Variants in FAIM2 observed in about 807,000 individuals in gnomAD.
FAIM2 encodes the protein protein lifeguard 2.
In FAIM2, 27 loss-of-function variants were observed where a neutral mutation model predicts 47.4. The observed-to-expected ratio is 0.57, with a 90% confidence interval of 0.42 to 0.78. The LOEUF (loss-of-function observed/expected upper bound fraction) is 0.78. Ranked by LOEUF, FAIM2 falls within the 30% of genes least tolerant of loss-of-function variation. The pLI, the probability that FAIM2 is intolerant of heterozygous loss-of-function variation, is 0.00. For synonymous variants in FAIM2, 156 were observed against 159.3 expected, an observed-to-expected ratio of 0.98 and a Z score of 0.16; for missense variants, 311 against 389.4, an observed-to-expected ratio of 0.80 and a Z score of 1.69.
intron 4 of FAIM2, among the ~76,000 whole-genome samples, 183 bp downstream of exon 4, chr12:49,897,336 A>T (rs1946944923): frequency 6.6e-6 from 1 of 152,106 alleles, no homozygotes; most frequent in South Asian, 2.1e-4. Flanking sequence ...GGTCCACCCC[A>T]CACTGGACAG....
At chr12:49,895,337 C>T (rs889051676) in intron 5 of FAIM2, among the ~76,000 whole-genome samples, 3 of 152,196 alleles carry the variant, frequency 2.0e-5, no homozygotes, top group South Asian at 2.1e-4. Flanking sequence ...CCCATCCCCC[C>T]CAATGGAGTG....
chr12:49,880,900 G>GTGTGTGTC (rs540378741), intron 11 of FAIM2, among the ~76,000 whole-genome samples: 81 of 152,042 alleles, frequency 5.3e-4, no homozygotes, highest in South Asian at 3.7e-3. Context: ...GTGTGTGTGT[G>GTGTGTGTC]TCTCTCTGGA....
chr12:49,887,527 G>C (rs556686473), intron 10 of FAIM2, 88 bp from the exon 11 acceptor site: 2 of 1,165,560 alleles, frequency 1.7e-6, no homozygotes, highest in Non-Finnish European at 2.5e-6. Flanking sequence ...AGAGAATGGA[G>C]GACACGGGGT....
chr12:49,897,706 A>T, intron 3 of FAIM2, 123 bp from the exon 4 acceptor site: 3 of 725,184 alleles, frequency 4.1e-6, no homozygotes, highest in Non-Finnish European at 7.0e-6. Flanking sequence ...TTTGGGGGTC[A>T]TTGGAGTGAA....
At chr12:49,892,843 C>G (rs747421414) in intron 5 of FAIM2, among the ~76,000 whole-genome samples, 1 of 152,174 alleles carries the variant, frequency 6.6e-6, no homozygotes, top group Non-Finnish European at 1.5e-5. Flanking sequence ...AAGTAATGTT[C>G]AACAGGTTAG....
intron 2 of FAIM2, among the ~76,000 whole-genome samples, chr12:49,899,244 G>C (rs1946964066): frequency 1.3e-5 from 2 of 152,074 alleles, no homozygotes; most frequent in African/African-American, 4.8e-5. Context: ...TCTCCCATGT[G>C]CCCCTCATCG....
At chr12:49,890,293 T>C in intron 7 of FAIM2, 139 bp from the exon 8 acceptor site, 1 of 754,508 alleles carries the variant, frequency 1.3e-6, no homozygotes, top group Non-Finnish European at 2.3e-6. Flanking sequence ...CACACTGACT[T>C]TCGGGAGTCA....
In FAIM2 at chr12:49,890,669, C is replaced by A. The variant is rs1313717907; in HGVS notation, c.525+14G>T. ...CACTCAGCGTCTGTCCTCAGCACAC[C>A]CAGGATCACTTACAAAGACGGTCAG... On this transcript the variant is annotated intron_variant, in intron 7 of 11. Coordinates refer to ENST00000320634, the MANE Select transcript of FAIM2 (RefSeq NM_012306.4). 3.1e-6 allele frequency: 5 copies of A among 1,613,204 alleles called. No homozygotes were observed. The highest frequency in any genetic ancestry group is 4.2e-6 in the Non-Finnish European group (5 of 1,179,296).
At chr12:49,881,668 TA>T (rs1946826943) in intron 11 of FAIM2, among the ~76,000 whole-genome samples, 1 of 152,136 alleles carries the variant, frequency 6.6e-6, no homozygotes, top group Admixed American at 6.5e-5. Flanking sequence ...GAGAGGGCAC[TA>T]GGGGGAATGG....
chr12:49,875,168 T>G (rs114531636), intron 11 of FAIM2, among the ~76,000 whole-genome samples: 270 of 152,226 alleles, frequency 1.8e-3, no homozygotes, highest in African/African-American at 6.1e-3. Flanking sequence ...AATTAGAAGT[T>G]TAAAATAGAA....
chr12:49,878,563 T>C (rs1422346077), intron 11 of FAIM2, among the ~76,000 whole-genome samples: 1 of 127,878 alleles, frequency 7.8e-6, no homozygotes, highest in African/African-American at 3.0e-5. Context: ...TGTGTGAGTG[T>C]ATATGTTCAT....
Position 49,868,264 on chromosome 12 carries a change from A to C in FAIM2, c.*2240T>G, listed in dbSNP as rs1418131817. 6.6e-6 allele frequency: 1 copy of C among 152,362 alleles called. No individual in the cohort carries two copies. Among genetic ancestry groups the C allele is most frequent in the Admixed American group, 6.6e-5 (1 of 15,266 alleles). 9.4% of individuals were successfully genotyped at this position (152,362 alleles called of 1,614,324 possible). ...GGTGGAGGAGGGTGGGAACCGGGTGAGAAAGTCAGTGGAGAGAAATGTTCT... is the reference window on the plus strand; with the variant it reads ...GGTGGAGGAGGGTGGGAACCGGGTGCGAAAGTCAGTGGAGAGAAATGTTCT... On this transcript the variant is annotated 3_prime_UTR_variant, in exon 12 of 12. Transcript: ENST00000320634.
chr12:49,887,667 G>A (rs961296635), intron 10 of FAIM2, among the ~76,000 whole-genome samples: 1 of 152,058 alleles, frequency 6.6e-6, no homozygotes. Context: ...GAACTCCCCC[G>A]AGCCTGGTCG....
At chr12:49,875,276 G>A (rs1443800804) in intron 11 of FAIM2, among the ~76,000 whole-genome samples, 2 of 152,144 alleles carry the variant, frequency 1.3e-5, no homozygotes. Flanking sequence ...TCCACCATTT[G>A]CTAAGGACAC....
intron 11 of FAIM2, among the ~76,000 whole-genome samples, chr12:49,873,663 C>A (rs1292233205): frequency 6.6e-6 from 1 of 152,118 alleles, no homozygotes; most frequent in Non-Finnish European, 1.5e-5. Flanking sequence ...ACGCAGGAGA[C>A]CCCCTAGAGC....
At chr12:49,895,060 C>CGGGCAGGGCA (rs77992168) in intron 5 of FAIM2, among the ~76,000 whole-genome samples, 3 of 150,840 alleles carry the variant, frequency 2.0e-5, no homozygotes, top group Non-Finnish European at 4.4e-5. Context: ...GGGTGTGGAG[C>CGGGCAGGGCA]GGGCAGGGCA....
intron 11 of FAIM2, among the ~76,000 whole-genome samples, chr12:49,884,299 A>G (rs1010438501): frequency 6.6e-6 from 1 of 151,956 alleles, no homozygotes; most frequent in Non-Finnish European, 1.5e-5. Flanking sequence ...GTAGGGAAGA[A>G]GGAGAGAGGG....
At chr12:49,900,198 G>C (rs1462243890) in intron 2 of FAIM2, 1 of 1,287,944 alleles carries the variant, frequency 7.8e-7, no homozygotes, top group Non-Finnish European at 1.0e-6. Flanking sequence ...TGAGTCTTCA[G>C]GGGTCTGCGC....
At chr12:49,897,664 C>G in intron 3 of FAIM2, 81 bp from the exon 4 acceptor site, 1 of 1,042,012 alleles carries the variant, frequency 9.6e-7, no homozygotes, top group Non-Finnish European at 1.5e-6. Flanking sequence ...GTCACCTCTC[C>G]AGGTCCCCAT....
Sources: gnomAD v4.1 joint callset for allele counts (sites outside exome capture counted in the v4.1 genomes callset) on GRCh38, gnomAD v4.1.1 for gene constraint, MANE v1.5 for transcripts, NCBI Gene and HGNC (gene_info 2026-07-23, HGNC 2026-07-21) for gene names.